The following SHISA9 variants were observed in gnomAD, a reference collection of about 807,000 sequenced individuals.
SHISA9 encodes the protein protein shisa-9.
In SHISA9, 13 loss-of-function variants were observed where a neutral mutation model predicts 38.0. The observed-to-expected ratio is 0.34, with a 90% CI of 0.22 to 0.54. The LOEUF is 0.54. Among genes scored for constraint, SHISA9 ranks in the 20% least tolerant of loss-of-function variants. The pLI is 0.91. For synonymous variants in SHISA9, 275 were observed against 242.0 expected, an observed-to-expected ratio of 1.14 and a Z score of -1.27; for missense variants, 538 against 575.8, an observed-to-expected ratio of 0.93 and a Z score of 0.67.
At chr16:13,266,737 C>T in the SHISA9 span, among the ~76,000 whole-genome samples, 20,389 of 151,980 alleles carry the variant, frequency 0.13, 1,427 homozygotes, top group Middle Eastern at 0.2. Flanking sequence ...GTGGGTGGAA[C>T]AGAGAGAAAA....
chr16:12,911,203 T>A (rs1352716888), intron 1 of SHISA9: 1 of 970,408 alleles, frequency 1.0e-6, no homozygotes, highest in African/African-American at 1.8e-5. Context: ...CACCTCCTGC[T>A]TATTGATTCA....
the SHISA9 span, among the ~76,000 whole-genome samples, chr16:13,423,984 C>A: frequency 6.6e-6 from 1 of 152,180 alleles, no homozygotes; most frequent in Non-Finnish European, 1.5e-5. Context: ...TTTAAGGACT[C>A]ATCTGATTAG....
the SHISA9 span, among the ~76,000 whole-genome samples, chr16:13,256,105 C>A: frequency 6.6e-6 from 1 of 152,196 alleles, no homozygotes; most frequent in Non-Finnish European, 1.5e-5. Flanking sequence ...GTTTCTACCA[C>A]CTGGCCTGCC....
At chr16:13,451,058 T>G in the SHISA9 span, among the ~76,000 whole-genome samples, 1 of 152,132 alleles carries the variant, frequency 6.6e-6, no homozygotes, top group Non-Finnish European at 1.5e-5. Context: ...CCCCTGGACA[T>G]GCCAGAGTGA....
At chr16:13,288,925 A>G in the SHISA9 span, among the ~76,000 whole-genome samples, 11 of 152,212 alleles carry the variant, frequency 7.2e-5, no homozygotes, top group Non-Finnish European at 1.6e-4. Flanking sequence ...ATATAGTTAC[A>G]TGAAAGTGAG....
At chr16:13,186,371 C>A (rs2050823283) in intron 2 of SHISA9, among the ~76,000 whole-genome samples, 1 of 140,426 alleles carries the variant, frequency 7.1e-6, no homozygotes, top group Non-Finnish European at 1.5e-5. Context: ...GATCTCGGCT[C>A]ACTGCAACCT....
chr16:13,440,425 G>A, the SHISA9 span, among the ~76,000 whole-genome samples: 1 of 152,174 alleles, frequency 6.6e-6, no homozygotes, highest in Non-Finnish European at 1.5e-5. Context: ...GTTTAAGCTC[G>A]TTTATTGAAG....
chr16:13,194,070 C>G (rs763138281), intron 2 of SHISA9, among the ~76,000 whole-genome samples: 1 of 152,158 alleles, frequency 6.6e-6, no homozygotes, highest in Non-Finnish European at 1.5e-5. Flanking sequence ...TAGTCTTCCT[C>G]CTCTCTCTTT....
chr16:13,243,241 A>C (rs1012880815), downstream of SHISA9, among the ~76,000 whole-genome samples: 1 of 138,282 alleles, frequency 7.2e-6, no homozygotes. Flanking sequence ...ACTCTGTCTC[A>C]AAAAAAAAAA....
At chr16:13,380,291 A>T in the SHISA9 span, among the ~76,000 whole-genome samples, 1 of 152,230 alleles carries the variant, frequency 6.6e-6, no homozygotes, top group Non-Finnish European at 1.5e-5. Flanking sequence ...GAGAACAAAA[A>T]AGTGAAAAAA....
intron 2 of SHISA9, among the ~76,000 whole-genome samples, chr16:13,004,043 G>A (rs1381699228): frequency 6.6e-6 from 1 of 152,172 alleles, no homozygotes; most frequent in African/African-American, 2.4e-5. Context: ...GGTTCATCAA[G>A]AAATAGGCAG....
At chr16:12,983,318 C>T (rs1266288051) in intron 2 of SHISA9, among the ~76,000 whole-genome samples, 1 of 152,182 alleles carries the variant, frequency 6.6e-6, no homozygotes, top group African/African-American at 2.4e-5. Flanking sequence ...TTTCTTCAAC[C>T]TCTTGGAACC....
chr16:13,440,302 T>C, the SHISA9 span, among the ~76,000 whole-genome samples: 5 of 152,260 alleles, frequency 3.3e-5, no homozygotes, highest in African/African-American at 1.2e-4. Context: ...CGTTAATGCC[T>C]TCTGTTTCTG....
chr16:13,394,585 G>A, the SHISA9 span, among the ~76,000 whole-genome samples: 39 of 151,930 alleles, frequency 2.6e-4, no homozygotes, highest in Admixed American at 2.0e-3. Context: ...TGGCTTTCTC[G>A]TTCTCACTCT....
the SHISA9 span, among the ~76,000 whole-genome samples, chr16:13,538,878 T>A: frequency 1.6e-4 from 25 of 152,056 alleles, no homozygotes; most frequent in African/African-American, 6.0e-4. Context: ...TAACACAATC[T>A]TTTTTGGATT....
the SHISA9 span, among the ~76,000 whole-genome samples, chr16:13,464,831 C>T: frequency 6.6e-6 from 1 of 151,900 alleles, no homozygotes; most frequent in South Asian, 2.1e-4. Flanking sequence ...CCACCCCCAC[C>T]CCCCACCTTT....
chr16:13,390,064 C>A, the SHISA9 span, among the ~76,000 whole-genome samples: 1 of 151,990 alleles, frequency 6.6e-6, no homozygotes, highest in South Asian at 2.1e-4. Context: ...GAATGCTTTG[C>A]CTTGGTTTGC....
At chr16:12,984,151 G>A (rs1006812800) in intron 2 of SHISA9, among the ~76,000 whole-genome samples, 2 of 151,966 alleles carry the variant, frequency 1.3e-5, no homozygotes, top group African/African-American at 4.8e-5. Flanking sequence ...ATTTTCCCTT[G>A]TCACTCCATG....
At chr16:12,936,433 A>G (rs1483978266) in intron 2 of SHISA9, among the ~76,000 whole-genome samples, 1 of 152,134 alleles carries the variant, frequency 6.6e-6, no homozygotes, top group Non-Finnish European at 1.5e-5. Context: ...TGTGAACTCA[A>G]CTCTGTGATC....
Sources: allele counts gnomAD v4.1 joint callset (sites outside exome capture counted in the v4.1 genomes callset), GRCh38; gene constraint gnomAD v4.1.1; transcripts MANE v1.5; gene names NCBI Gene and HGNC (gene_info 2026-07-23, HGNC 2026-07-21).